The following TESPA1 variants were observed in gnomAD, a reference collection of about 807,000 sequenced individuals.
TESPA1 encodes the protein protein TESPA1.
In TESPA1, 33 loss-of-function variants were observed where a neutral mutation model predicts 57.9. The ratio of observed to expected loss-of-function variants is 0.57; its 90% CI spans 0.43 to 0.76. The LOEUF is 0.76. TESPA1 is among the 30% of genes least tolerant of loss of function. The pLI, the probability that TESPA1 is intolerant of heterozygous loss-of-function variation, is 0.00. For synonymous variants in TESPA1, 227 were observed against 228.9 expected (o/e 0.99, Z 0.07); for missense variants, 618 against 632.9 (o/e 0.98, Z 0.25).
At chr12:54,959,835 C>A (rs1055357747) in intron 10 of TESPA1, among the ~76,000 whole-genome samples, 1 of 152,178 alleles carries the variant, frequency 6.6e-6, no homozygotes, top group Non-Finnish European at 1.5e-5. Context: ...CTGAAACCAT[C>A]TGAAACTTCT....
rs201792001 is a variant in TESPA1 at position 54,978,006 on chromosome 12, C to A, written c.-45-3399G>T. On this transcript the variant is annotated intron_variant, in intron 1 of 10. Coordinates refer to ENST00000449076, the MANE Select transcript of TESPA1 (RefSeq NM_001136030.3). ...AGCTGTACTGCTGGGAGACAAGAAA[C>A]CGTTTTTTTTTTGTTTTTTTTTCTG... Among the ~76,000 whole-genome samples the A allele has an allele frequency of 1.9e-3, 278 of 150,036 alleles. 6 individuals are homozygous for A. The East Asian group carries it at 0.047, about 25-fold the overall frequency.
intron 10 of TESPA1, among the ~76,000 whole-genome samples, chr12:54,956,118 A>C (rs561705632): frequency 6.6e-6 from 1 of 152,368 alleles, no homozygotes; most frequent in Non-Finnish European, 1.5e-5. Context: ...GGACAATCTT[A>C]CATCAAAGAG....
chr12:54,951,156 G>A (rs1217897859), intron 10 of TESPA1, among the ~76,000 whole-genome samples: 3 of 152,166 alleles, frequency 2.0e-5, no homozygotes, highest in Non-Finnish European at 4.4e-5. Flanking sequence ...CTCATGGGAG[G>A]TGATTGGATC....
rs1270985117 is a variant in TESPA1, at chr12:54,949,993, T to G, written c.*399A>C. 5.1e-6 allele frequency: 1 copy of G among 194,426 alleles called. No individual in the cohort carries two copies. 12.0% of individuals were successfully genotyped at this position (194,426 alleles called of 1,614,324 possible). On this transcript the variant is annotated 3_prime_UTR_variant, in exon 11 of 11. Transcript: ENST00000449076. ...CCTTTTGAAAGTATTAGAAAAAAACTTGTCCCCTAAACTTGATCCTGAAGT... is the reference window on the plus strand; with the variant it reads ...CCTTTTGAAAGTATTAGAAAAAAACGTGTCCCCTAAACTTGATCCTGAAGT...
rs920735647 is a variant in TESPA1 at position 54,967,997 on chromosome 12, C to A, written c.207-105G>T. The A allele has an allele frequency of 1.9e-5, 30 of 1,566,508 alleles. No homozygotes were observed. The African/African-American group carries it at 3.8e-4, about 20-fold the overall frequency. On this transcript the variant is annotated intron_variant, in intron 3 of 10. Transcript: ENST00000449076. ...ATTCATATTCTTTTCCAGTGAGAGT[C>A]AGTAGTATTTAATTTGCTTTTATGT...
chr12:54,970,235 C>G (rs961611991), intron 3 of TESPA1, among the ~76,000 whole-genome samples: 2 of 152,144 alleles, frequency 1.3e-5, no homozygotes, highest in African/African-American at 4.8e-5. Flanking sequence ...ATGTGCCTAG[C>G]CTCAGCTACA....
At chr12:54,980,721 A>G (rs1332206538) in intron 1 of TESPA1, among the ~76,000 whole-genome samples, 1 of 152,228 alleles carries the variant, frequency 6.6e-6, no homozygotes, top group Non-Finnish European at 1.5e-5. Flanking sequence ...CCTGACAAAT[A>G]TCAGCTCTGC....
At chr12:54,975,655 A>G (rs1952107910) in intron 1 of TESPA1, among the ~76,000 whole-genome samples, 1 of 151,144 alleles carries the variant, frequency 6.6e-6, no homozygotes, top group Non-Finnish European at 1.5e-5. Context: ...AAACAACATC[A>G]TCTTAAGAGC....
chr12:54,984,178 C>T (rs1261038373), intron 1 of TESPA1: 1 of 152,068 alleles, frequency 6.6e-6, no homozygotes. Context: ...TGAAATGAAA[C>T]CGGGAAACTT....
chr12:54,966,239 CT>C, intron 6 of TESPA1, 88 bp from the exon 7 acceptor site: 1 of 1,561,964 alleles, frequency 6.4e-7, no homozygotes, highest in Admixed American at 1.8e-5. Context: ...TATTCACCCC[CT>C]GAACAGTAGT....
At chr12:54,966,031 C>G in intron 7 of TESPA1, 22 bp downstream of exon 7, 1 of 1,556,762 alleles carries the variant, frequency 6.4e-7, no homozygotes, top group Non-Finnish European at 8.7e-7. Context: ...ACCCTTCCAC[C>G]CTGCCAAACT....
In TESPA1 at chr12:54,963,101, G is replaced by A; in HGVS notation, c.797C>T (p.Ser266Phe). 1 of 1,613,952 alleles carries A rather than the reference G, an allele frequency of 6.2e-7. No individual in the cohort carries two copies. Among genetic ancestry groups the A allele is most frequent in the Non-Finnish European group, 8.5e-7 (1 of 1,179,890 alleles). The change falls in exon 9 of 11, where the codon TCC (serine) becomes TTC (phenylalanine). Residue 266 changes from serine (S) to phenylalanine (F), a missense_variant. Physicochemically the swap from Ser to Phe is radical, Grantham distance 155 (BLOSUM62 -2). Coordinates refer to ENST00000449076, the MANE Select transcript of TESPA1 (RefSeq NM_001136030.3). ...AGGCTCTCGGGACAGAATCCTGATG[G>A]ATGGCACATCAGTTGGATGGTTGCA... ...WNCNHPTDVP[S>F]IRILSREPEP...
intron 9 of TESPA1, 74 bp downstream of exon 9, chr12:54,962,357 C>CT: frequency 6.6e-7 from 1 of 1,505,236 alleles, no homozygotes; most frequent in Non-Finnish European, 9.0e-7. Flanking sequence ...CCCAAGGGTT[C>CT]TAACCCTTCA....
At chr12:54,969,021 G>GTGTGTGTGTATATA (rs370590552) in intron 3 of TESPA1, among the ~76,000 whole-genome samples, 8 of 83,672 alleles carry the variant, frequency 9.6e-5, no homozygotes, top group African/African-American at 3.6e-4. Flanking sequence ...ATTTATATAT[G>GTGTGTGTGTATATA]TATATATATA....
In TESPA1 at chr12:54,966,104, C is replaced by T. The variant is rs1242013318; in HGVS notation, c.395G>A (p.Cys132Tyr). ...ARPCQLLDLG[C>Y]SLASSSMTGG... is the part of the protein sequence containing the mutation. ...AGTCATGCTGCTGGAAGCCAAACTA[C>T]AGCCAAGATCAAGTAGCTGGCAAGG... is the stretch of plus-strand genomic sequence containing the variant. The change falls in exon 7 of 11, where the codon TGT (cysteine) becomes TAT (tyrosine). Residue 132 changes from cysteine (C) to tyrosine (Y), a missense_variant. Cys to Tyr is a radical substitution (Grantham distance 194, BLOSUM62 -2). Coordinates refer to ENST00000449076, the MANE Select transcript of TESPA1 (RefSeq NM_001136030.3). 8.9e-6 allele frequency: 14 copies of T among 1,577,462 alleles called. No homozygotes were observed. Among genetic ancestry groups the T allele is most frequent in the East Asian group, 2.3e-5 (1 of 42,958 alleles).
At chr12:54,976,998 G>A (rs7314905) in intron 1 of TESPA1, among the ~76,000 whole-genome samples, 1 of 151,426 alleles carries the variant, frequency 6.6e-6, no homozygotes, top group Non-Finnish European at 1.5e-5. Flanking sequence ...CTTAACCAGC[G>A]TCCTCCATGG....
At chr12:54,977,948 A>G (rs1375381538) in intron 1 of TESPA1, among the ~76,000 whole-genome samples, 1 of 152,218 alleles carries the variant, frequency 6.6e-6, no homozygotes, top group Non-Finnish European at 1.5e-5. Context: ...GGCAAGAAGA[A>G]ATGGTAGTGT....
intron 3 of TESPA1, among the ~76,000 whole-genome samples, chr12:54,970,507 G>C (rs1951764615): frequency 6.6e-6 from 1 of 152,088 alleles, no homozygotes; most frequent in African/African-American, 2.4e-5. Context: ...AATAGCCATT[G>C]GTGGGTCTTG....
intron 10 of TESPA1, among the ~76,000 whole-genome samples, chr12:54,950,698 T>C (rs1382247824): frequency 6.6e-6 from 1 of 152,228 alleles, no homozygotes; most frequent in African/African-American, 2.4e-5. Flanking sequence ...CCACTATCAA[T>C]TCATGTTCTG....
Sources: allele counts gnomAD v4.1 joint callset (sites outside exome capture counted in the v4.1 genomes callset), GRCh38; gene constraint gnomAD v4.1.1; transcripts MANE v1.5; gene names NCBI Gene and HGNC (gene_info 2026-07-23, HGNC 2026-07-21).